The following CADM2 variants were observed in gnomAD, a reference collection of about 807,000 sequenced individuals.
The protein encoded by CADM2 is cell adhesion molecule 2, also known as immunoglobulin superfamily member 4D.
In CADM2, 12 loss-of-function variants were observed where a neutral mutation model predicts 49.8. That is an observed-to-expected ratio of 0.24 (90% CI 0.15 to 0.39). The LOEUF is 0.39. Among genes scored for constraint, CADM2 ranks in the 10% least tolerant of loss-of-function variants. CADM2 has a pLI of 1.00. For missense variants in CADM2, 378 were observed against 492.3 expected, an observed-to-expected ratio of 0.77 and a Z score of 2.20; for synonymous variants, 214 against 175.4, an observed-to-expected ratio of 1.22 and a Z score of -1.74.
chr3:85,020,518 T>C (rs946061512), intron 1 of CADM2, among the ~76,000 whole-genome samples: 1 of 152,234 alleles, frequency 6.6e-6, no homozygotes, highest in Non-Finnish European at 1.5e-5. Context: ...ATTCATAATT[T>C]ATACTTCACA....
chr3:85,853,537 A>G (rs2075186312), intron 3 of CADM2, among the ~76,000 whole-genome samples: 1 of 152,092 alleles, frequency 6.6e-6, no homozygotes, highest in Non-Finnish European at 1.5e-5. Context: ...TCATAATTAA[A>G]ATGGCCATGA....
chr3:85,257,126 A>C (rs1306760542), intron 1 of CADM2, among the ~76,000 whole-genome samples: 3 of 152,104 alleles, frequency 2.0e-5, no homozygotes, highest in Non-Finnish European at 4.4e-5. Context: ...TCACAGCCAA[A>C]TGTTGGCAGA....
intron 1 of CADM2, among the ~76,000 whole-genome samples, chr3:85,496,539 T>A (rs2039908161): frequency 6.6e-6 from 1 of 152,180 alleles, no homozygotes; most frequent in Admixed American, 6.6e-5. Context: ...ATGATCTATT[T>A]TCCTAGGCAT....
At chr3:85,023,734 T>C (rs1258322146) in intron 1 of CADM2, among the ~76,000 whole-genome samples, 1 of 152,104 alleles carries the variant, frequency 6.6e-6, no homozygotes, top group Non-Finnish European at 1.5e-5. Flanking sequence ...AAAATACATA[T>C]ATGAATATTC....
intron 1 of CADM2, among the ~76,000 whole-genome samples, chr3:84,971,321 T>A (rs2031415930): frequency 6.6e-6 from 1 of 152,164 alleles, no homozygotes; most frequent in Non-Finnish European, 1.5e-5. Flanking sequence ...AAAGATTTCA[T>A]GATAAGTAAC....
intron 1 of CADM2, among the ~76,000 whole-genome samples, chr3:85,168,756 C>A (rs1237137472): frequency 6.6e-6 from 1 of 152,098 alleles, no homozygotes; most frequent in Admixed American, 6.5e-5. Context: ...ATTTCCAATG[C>A]AACCTGGATT....
chr3:85,852,728 T>G (rs894653989), intron 3 of CADM2, among the ~76,000 whole-genome samples: 1 of 152,112 alleles, frequency 6.6e-6, no homozygotes, highest in Admixed American at 6.5e-5. Context: ...TTGCAACTCT[T>G]TTTAGCTAAA....
At chr3:84,999,462 C>A (rs1003152761) in intron 1 of CADM2, among the ~76,000 whole-genome samples, 1 of 152,162 alleles carries the variant, frequency 6.6e-6, no homozygotes, top group Non-Finnish European at 1.5e-5. Context: ...AGGTTCATCA[C>A]AGCCTTCTTG....
intron 7 of CADM2, among the ~76,000 whole-genome samples, chr3:85,950,059 T>C (rs1277398726): frequency 6.6e-6 from 1 of 151,288 alleles, no homozygotes. Context: ...CACGAAAATA[T>C]TGCAAAGAGT....
At chr3:85,632,696 G>T (rs1462288729) in intron 1 of CADM2, among the ~76,000 whole-genome samples, 1 of 151,954 alleles carries the variant, frequency 6.6e-6, no homozygotes, top group African/African-American at 2.4e-5. Context: ...TCATTGTGGT[G>T]CACTTTTGTG....
intron 1 of CADM2, among the ~76,000 whole-genome samples, chr3:85,724,130 G>A (rs952910550): frequency 1.3e-5 from 2 of 151,890 alleles, no homozygotes; most frequent in African/African-American, 4.8e-5. Context: ...AAAACAAATA[G>A]TAGGTAAAGT....
In CADM2 at chr3:85,769,155, ACATATATAGTATATATACACATATAT is replaced by A. The variant is rs1460836182; in HGVS notation, c.89-32891_89-32866del. ...ATATATAGTATATATACACATATAT[ACATATATAGTATATATACACATATAT>A]ACATATATAGTATATATACACATAT... On this transcript the variant is annotated intron_variant, in intron 2 of 9. Coordinates refer to ENST00000383699, the MANE Select transcript of CADM2 (RefSeq NM_001167675.2). Among the ~76,000 whole-genome samples, 174 of 75,258 alleles carry A rather than the reference ACATATATAGTATATATACACATATAT, an allele frequency of 2.3e-3. 24 individuals carry two copies. The highest frequency in any genetic ancestry group is 0.012 in the African/African-American group (169 of 14,108). 49.4% of individuals were successfully genotyped at this position (75,258 alleles called of 152,430 possible). A position where few individuals can be genotyped will look rare whatever the true frequency, so the allele number is the denominator to read the frequency against.
At chr3:85,459,944 T>G (rs1414206594) in intron 1 of CADM2, among the ~76,000 whole-genome samples, 1 of 152,188 alleles carries the variant, frequency 6.6e-6, no homozygotes, top group Non-Finnish European at 1.5e-5. Flanking sequence ...CTATTTTGTA[T>G]CTGCCAGAGT....
At chr3:85,750,860 T>C (rs10511070) in intron 2 of CADM2, among the ~76,000 whole-genome samples, 5,449 of 152,150 alleles carry the variant, frequency 0.036, 299 homozygotes, top group African/African-American at 0.12. Flanking sequence ...ATTTACCGTA[T>C]GTTATAATTT....
At chr3:85,160,042 A>G (rs1182746771) in intron 1 of CADM2, among the ~76,000 whole-genome samples, 2 of 152,218 alleles carry the variant, frequency 1.3e-5, no homozygotes, top group African/African-American at 4.8e-5. Context: ...ACATACAAAT[A>G]GGTGCATACA....
intron 2 of CADM2, among the ~76,000 whole-genome samples, chr3:85,796,234 G>A (rs1176988761): frequency 6.6e-6 from 1 of 152,086 alleles, no homozygotes; most frequent in Non-Finnish European, 1.5e-5. Flanking sequence ...ATCAATATCA[G>A]GGACCCAAGA....
intron 1 of CADM2, among the ~76,000 whole-genome samples, chr3:85,041,518 C>T (rs2035440620): frequency 6.6e-6 from 1 of 152,132 alleles, no homozygotes; most frequent in Non-Finnish European, 1.5e-5. Flanking sequence ...CTTTCATGCT[C>T]TTAAATCGTA....
intron 1 of CADM2, among the ~76,000 whole-genome samples, chr3:85,635,615 C>G (rs553065752): frequency 6.6e-6 from 1 of 152,102 alleles, no homozygotes; most frequent in South Asian, 2.1e-4. Flanking sequence ...CTGCCTTTAT[C>G]TTGTAACATT....
intron 1 of CADM2, among the ~76,000 whole-genome samples, chr3:85,543,903 A>G (rs1257704581): frequency 1.3e-5 from 2 of 152,190 alleles, no homozygotes; most frequent in Non-Finnish European, 2.9e-5. Context: ...TCAACACTTG[A>G]ATTCTGGGAG....
Sources: gnomAD v4.1 joint callset for allele counts (sites outside exome capture counted in the v4.1 genomes callset) on GRCh38, gnomAD v4.1.1 for gene constraint, MANE v1.5 for transcripts, NCBI Gene and HGNC (gene_info 2026-07-23, HGNC 2026-07-21) for gene names.